The following KANK4 variants were observed in gnomAD, a reference collection of about 807,000 sequenced individuals.
The protein encoded by KANK4 is KN motif and ankyrin repeat domains 4, also known as KN motif and ankyrin repeat domain-containing protein 4.
KANK4 carries 50 observed loss-of-function variants against 80.8 expected under a neutral mutation model. That is an observed-to-expected ratio of 0.62 (90% CI 0.49 to 0.78). The LOEUF is 0.78. Ranked by LOEUF, KANK4 falls within the 30% of genes least tolerant of loss-of-function variation. The pLI is 0.00. For synonymous variants in KANK4, 465 were observed against 506.9 expected (o/e 0.92, Z 1.11); for missense variants, 1,196 against 1,240.1 (o/e 0.96, Z 0.53).
chr1:62,283,462 A>G (rs1334670461), intron 1 of KANK4, among the ~76,000 whole-genome samples: 3 of 151,730 alleles, frequency 2.0e-5, no homozygotes, highest in African/African-American at 7.3e-5. Flanking sequence ...AGTCTAGCCG[A>G]CTCCAAGCCT....
At chr1:62,292,509 GCCAT>G (rs1008975032) in intron 1 of KANK4, among the ~76,000 whole-genome samples, 5 of 152,148 alleles carry the variant, frequency 3.3e-5, no homozygotes, top group African/African-American at 1.2e-4. Flanking sequence ...CCCCCAGGAA[GCCAT>G]CTGGAGAGCC....
chr1:62,278,256 T>A, intron 2 of KANK4, among the ~76,000 whole-genome samples: 1 of 151,900 alleles, frequency 6.6e-6, no homozygotes, highest in Non-Finnish European at 1.5e-5. Flanking sequence ...CTCAAGGTAA[T>A]GGAGGGAAAG....
At chr1:62,306,745 C>A (rs566298473) in intron 1 of KANK4, among the ~76,000 whole-genome samples, 7 of 152,074 alleles carry the variant, frequency 4.6e-5, no homozygotes, top group African/African-American at 1.7e-4. Context: ...GTTCACAAAG[C>A]CTTTCAAATT....
intron 1 of KANK4, among the ~76,000 whole-genome samples, chr1:62,311,328 G>A (rs889919742): frequency 1.3e-5 from 2 of 151,890 alleles, no homozygotes; most frequent in African/African-American, 4.8e-5. Flanking sequence ...ATACCTTATT[G>A]AGTAGTGGGT....
intron 9 of KANK4, among the ~76,000 whole-genome samples, chr1:62,244,989 C>T (rs1671431735): frequency 6.6e-6 from 1 of 152,210 alleles, no homozygotes; most frequent in Non-Finnish European, 1.5e-5. Context: ...TCCAGAGATA[C>T]CCAGGAGAGC....
intron 1 of KANK4, among the ~76,000 whole-genome samples, chr1:62,308,297 G>A (rs1644469676): frequency 6.6e-6 from 1 of 152,184 alleles, no homozygotes; most frequent in Admixed American, 6.5e-5. Context: ...GCGCCTGCAT[G>A]GAGAGGGGCC....
intron 1 of KANK4, among the ~76,000 whole-genome samples, chr1:62,301,842 G>A (rs539006460): frequency 6.6e-6 from 1 of 152,146 alleles, no homozygotes; most frequent in Admixed American, 6.5e-5. Flanking sequence ...TAACAGCTGG[G>A]ACAAGGGAGA....
chr1:62,253,498 C>T (rs1441668990), intron 7 of KANK4, among the ~76,000 whole-genome samples: 3 of 150,248 alleles, frequency 2.0e-5, no homozygotes, highest in African/African-American at 7.3e-5. Context: ...CAACCTCCAC[C>T]TCCCAGGTTC....
At chr1:62,278,086 T>C (rs1571011267) in intron 2 of KANK4, among the ~76,000 whole-genome samples, 1 of 152,256 alleles carries the variant, frequency 6.6e-6, no homozygotes. Context: ...GCTTTGACTT[T>C]ACGCTCTAGG....
At chr1:62,241,341 G>T (rs1192873493) in intron 9 of KANK4, among the ~76,000 whole-genome samples, 2 of 152,178 alleles carry the variant, frequency 1.3e-5, no homozygotes. Context: ...TGGCTCGGGG[G>T]GAGGCAGAGG....
intron 1 of KANK4, among the ~76,000 whole-genome samples, chr1:62,307,876 G>A (rs1001623278): frequency 2.0e-5 from 3 of 152,064 alleles, no homozygotes; most frequent in Non-Finnish European, 4.4e-5. Flanking sequence ...GAACCCAAAT[G>A]CAAGCCAAAT....
At chr1:62,247,410 G>A in intron 9 of KANK4, 62 bp downstream of exon 9, 1 of 1,476,440 alleles carries the variant, frequency 6.8e-7, no homozygotes, top group Non-Finnish European at 9.4e-7. Flanking sequence ...AAAGTGCTGG[G>A]GTTACAGGTA....
intron 1 of KANK4, among the ~76,000 whole-genome samples, chr1:62,299,845 G>C (rs913728771): frequency 6.6e-6 from 1 of 152,122 alleles, no homozygotes; most frequent in African/African-American, 2.4e-5. Flanking sequence ...TTTTTTAAAA[G>C]AGTGAGCCGT....
chr1:62,284,669 AC>A (rs1472094918), intron 1 of KANK4, among the ~76,000 whole-genome samples: 1 of 152,074 alleles, frequency 6.6e-6, no homozygotes. Flanking sequence ...ACTGTTCAGA[AC>A]CTTTAAATAC....
Position 62,268,273 on chromosome 1 carries a change from G to A in KANK4, c.2231+14C>T. ...CAGAGGAACAAGTGCCCGCGTTTGT[G>A]TCCATTTGCTCACCTCTCGGCCTTG... On this transcript the variant is annotated intron_variant, in intron 5 of 9. Coordinates refer to ENST00000371153, the MANE Select transcript of KANK4 (RefSeq NM_181712.5). 1 of 1,606,968 alleles carries A rather than the reference G, an allele frequency of 6.2e-7. No homozygotes were observed. The highest frequency in any genetic ancestry group is 8.5e-7 in the Non-Finnish European group (1 of 1,174,580).
In KANK4 at chr1:62,263,144, G is replaced by C. The variant is rs757751930; in HGVS notation, c.2487C>G (p.His829Gln). 1.9e-6 allele frequency: 3 copies of C among 1,613,962 alleles called. No homozygotes were observed. Among genetic ancestry groups the C allele is most frequent in the South Asian group, 2.2e-5 (2 of 91,010 alleles). ...LADHNGNTAL[H>Q]YSVSHSNFSI... ...AGAAGTTGGAGTGGGACACGCTGTA[G>C]TGAAGGGCCGTGTTCCCGTTGTGAT... The change falls in exon 7 of 10, where the codon CAC becomes CAG. Residue 829 changes from histidine to glutamine, a missense_variant. Transcript: ENST00000371153.
chr1:62,273,758 C>T lies in KANK4; in HGVS notation c.1346G>A (p.Gly449Glu). 6.2e-7 allele frequency: 1 copy of T among 1,614,152 alleles called. No homozygotes were observed. The highest frequency in any genetic ancestry group is 1.3e-5 in the African/African-American group (1 of 75,056). ...CCCCCATAGGAGGCCATTCTCCTCTCCTCGGTGCCCCCAGCTTTCAGACTC... is the reference window on the plus strand; with the variant it reads ...CCCCCATAGGAGGCCATTCTCCTCTTCTCGGTGCCCCCAGCTTTCAGACTC... ...SMESESWGHR[G>E]EENGLLWGPD... The change falls in exon 3 of 10, where the codon GGA (glycine) becomes GAA (glutamate). Residue 449 changes from glycine (G) to glutamate (E), a missense_variant. Transcript: ENST00000371153.
chr1:62,279,724 T>C (rs1672411631), intron 2 of KANK4, among the ~76,000 whole-genome samples: 1 of 152,208 alleles, frequency 6.6e-6, no homozygotes, highest in African/African-American at 2.4e-5. Flanking sequence ...AAGGATGGGC[T>C]GGTTCTGAAT....
chr1:62,242,316 C>T (rs114244834), intron 9 of KANK4, among the ~76,000 whole-genome samples: 1,828 of 125,698 alleles, frequency 0.015, 37 homozygotes, highest in African/African-American at 0.053. Flanking sequence ...AAGCCATGAT[C>T]GTGCCACTGC....
Sources: allele counts gnomAD v4.1 joint callset (sites outside exome capture counted in the v4.1 genomes callset), GRCh38; gene constraint gnomAD v4.1.1; transcripts MANE v1.5; gene names NCBI Gene and HGNC (gene_info 2026-07-23, HGNC 2026-07-21).